HTT: variants seen among roughly 807,000 people sequenced by gnomAD.
The protein encoded by HTT is huntingtin, also known as huntington disease protein.
Under a neutral mutation model 362.3 loss-of-function variants are expected in HTT, and 104 were observed. The ratio of observed to expected loss-of-function variants is 0.29; its 90% CI spans 0.24 to 0.34. HTT has a LOEUF of 0.34. Among genes scored for constraint, HTT ranks in the 10% least tolerant of loss-of-function variants. The pLI is 1.00. For missense variants in HTT, 3,301 were observed against 3,928.6 expected (o/e 0.84, Z 4.27); for synonymous variants, 1,577 against 1,548.7 (o/e 1.02, Z -0.43).
At chr4:3,185,479 G>A (rs1048131728) in intron 37 of HTT, among the ~76,000 whole-genome samples, 1 of 152,200 alleles carries the variant, frequency 6.6e-6, no homozygotes, top group Admixed American at 6.5e-5. Context: ...CACCACATCT[G>A]TTTGCAGAGT....
At chr4:3,088,557 T>A (rs1173571117) in intron 2 of HTT, among the ~76,000 whole-genome samples, 1 of 152,214 alleles carries the variant, frequency 6.6e-6, no homozygotes, top group Non-Finnish European at 1.5e-5. Context: ...GTATATATAT[T>A]CGTAATGTTG....
intron 61 of HTT, among the ~76,000 whole-genome samples, chr4:3,234,805 A>G (rs1560606985): frequency 6.6e-6 from 1 of 152,200 alleles, no homozygotes; most frequent in African/African-American, 2.4e-5. Flanking sequence ...CTCTGTTCAC[A>G]GTGGCCACTC....
chr4:3,116,952 G>T (rs1715863265), intron 8 of HTT, among the ~76,000 whole-genome samples: 1 of 152,164 alleles, frequency 6.6e-6, no homozygotes. Context: ...GTGCCATTTA[G>T]CTAAGTTTTG....
At chr4:3,126,269 G>A (rs974124998) in intron 11 of HTT, among the ~76,000 whole-genome samples, 3 of 152,220 alleles carry the variant, frequency 2.0e-5, no homozygotes, top group African/African-American at 7.2e-5. Flanking sequence ...GGTCAGGCTG[G>A]TCTTGAACTC....
intron 60 of HTT, among the ~76,000 whole-genome samples, chr4:3,230,290 C>T (rs1172299713): frequency 6.6e-6 from 1 of 152,148 alleles, no homozygotes; most frequent in Non-Finnish European, 1.5e-5. Context: ...GTCCCGTATC[C>T]CTGGGCTTAT....
chr4:3,125,771 C>G, intron 11 of HTT, 142 bp downstream of exon 11: 1 of 633,148 alleles, frequency 1.6e-6, no homozygotes, highest in Non-Finnish European at 2.9e-6. Context: ...GGGGCATATT[C>G]GGGCTTCTTT....
At chr4:3,121,652 C>A in intron 9 of HTT, 1 of 326,744 alleles carries the variant, frequency 3.1e-6, no homozygotes. Flanking sequence ...CGCTTCAGCC[C>A]AGGAGTTTGA....
intron 1 of HTT, among the ~76,000 whole-genome samples, chr4:3,086,111 T>A (rs1713194892): frequency 6.6e-6 from 1 of 152,238 alleles, no homozygotes; most frequent in African/African-American, 2.4e-5. Flanking sequence ...TAATTGAATT[T>A]CCCATCTCTT....
rs1289663806 is a variant in HTT, at chr4:3,223,387, A to G, written c.7471-19A>G. ...TGGGTGTCTTGCTGCTCTTGTTGAC[A>G]TGTGGGCTCTCCTTCCAGGAAGACA... On this transcript the variant is annotated intron_variant, in intron 54 of 66. Transcript: ENST00000355072. 6 of 1,561,204 alleles carry G rather than the reference A, an allele frequency of 3.8e-6. No individual in the cohort carries two copies. The highest frequency in any genetic ancestry group is 5.2e-6 in the Non-Finnish European group (6 of 1,151,622).
At chr4:3,126,374 T>A (rs563669804) in intron 11 of HTT, among the ~76,000 whole-genome samples, 1 of 152,254 alleles carries the variant, frequency 6.6e-6, no homozygotes, top group African/African-American at 2.4e-5. Context: ...ACTTATCTAA[T>A]GAAATTCTCT....
intron 56 of HTT, among the ~76,000 whole-genome samples, chr4:3,225,255 G>C (rs909947862): frequency 6.6e-6 from 1 of 152,198 alleles, no homozygotes; most frequent in Non-Finnish European, 1.5e-5. Context: ...GGAAGGCACT[G>C]TTCACCAAAA....
Position 3,242,400 on chromosome 4 carries a change from A to G in HTT, c.*2341A>G, listed in dbSNP as rs1030918095. ...ACGCATATACATAAAGTATCCATGCATGTGCATATAGACACATCTATAATT... is the reference window on the plus strand; with the variant it reads ...ACGCATATACATAAAGTATCCATGCGTGTGCATATAGACACATCTATAATT... On this transcript the variant is annotated 3_prime_UTR_variant, in exon 67 of 67. Transcript: ENST00000355072. 1.3e-5 allele frequency: 2 copies of G among 152,242 alleles called. No homozygotes were observed. Among genetic ancestry groups the G allele is most frequent in the Admixed American group, 6.5e-5 (1 of 15,282 alleles). The allele number at this position is 152,242 out of a possible 1,614,324, so 9.4% of individuals were successfully genotyped here. A position where few individuals can be genotyped will look rare whatever the true frequency, so the allele number is the denominator to read the frequency against.
At chr4:3,093,191 T>C (rs1388976737) in intron 2 of HTT, among the ~76,000 whole-genome samples, 2 of 152,158 alleles carry the variant, frequency 1.3e-5, no homozygotes, top group Non-Finnish European at 2.9e-5. Flanking sequence ...TAGAGCCACC[T>C]GAAAGGATTA....
At position 3,159,749 on chromosome 4, in the gene HTT, G is replaced by C. The variant is rs769813424; in HGVS notation, c.3754-533G>C. Among the ~76,000 whole-genome samples, 4 of 152,196 alleles carry C rather than the reference G, an allele frequency of 2.6e-5. No individual in the cohort carries two copies. The East Asian group carries it at 7.7e-4, about 29-fold the overall frequency. The stretch of plus-strand genomic sequence containing the variant: ...TACCTTTCTTGTTATGCATGTCTTT[G>C]GTCCTGACCCATTCTCTGAGTCTGT... On this transcript the variant is annotated intron_variant, in intron 28 of 66. Transcript: ENST00000355072.
chr4:3,166,489 C>T (rs764982440), intron 29 of HTT, among the ~76,000 whole-genome samples: 2 of 152,238 alleles, frequency 1.3e-5, no homozygotes, highest in Non-Finnish European at 2.9e-5. Flanking sequence ...GAGAAGCTGT[C>T]TGCTGCCTTT....
intron 3 of HTT, among the ~76,000 whole-genome samples, chr4:3,100,138 T>C (rs747644243): frequency 6.6e-6 from 1 of 152,236 alleles, no homozygotes; most frequent in Non-Finnish European, 1.5e-5. Flanking sequence ...AAGCCAGAGC[T>C]ATGCCCAAAT....
intron 33 of HTT, 75 bp from the exon 34 acceptor site, chr4:3,177,257 A>G: frequency 1.1e-6 from 1 of 941,842 alleles, no homozygotes; most frequent in Admixed American, 2.1e-5. Context: ...TATGCAGATA[A>G]GCAGGAGGAA....
chr4:3,223,446 A>C lies in HTT; in HGVS notation c.7511A>C (p.Gln2504Pro), dbSNP rs1338280368. Residue 2504 changes from glutamine to proline, a missense_variant, in exon 55 of 67, where the codon CAG (glutamine) becomes CCG (proline). By Grantham distance (76) the Gln-to-Pro change is moderately conservative (BLOSUM62 -1). This residue lies in a region of HTT where 753 missense variants were observed against 1,021.3 expected (regional missense o/e 0.74). Transcript: ENST00000355072. ...ERTQINVLAV[Q>P]AITSLVLSAM... The stretch of plus-strand genomic sequence containing the variant: ...ACCCAGATCAACGTCCTGGCCGTGC[A>C]GGCCATCACCTCACTGGTGCTCAGT... 1 of 1,609,828 alleles carries C rather than the reference A, an allele frequency of 6.2e-7. No homozygotes were observed. Among genetic ancestry groups the C allele is most frequent in the Non-Finnish European group, 8.5e-7 (1 of 1,177,788 alleles).
chr4:3,108,679 A>C (rs1047484187), intron 6 of HTT, among the ~76,000 whole-genome samples: 5 of 152,166 alleles, frequency 3.3e-5, no homozygotes, highest in African/African-American at 1.2e-4. Flanking sequence ...TCCGTTAATT[A>C]CTTCCTTCCT....
Sources: allele counts gnomAD v4.1 joint callset (sites outside exome capture counted in the v4.1 genomes callset), GRCh38; gene constraint gnomAD v4.1.1; regional missense constraint gnomAD v4.1.1; transcripts MANE v1.5; gene names NCBI Gene and HGNC (gene_info 2026-07-23, HGNC 2026-07-21).